Variants in HDAC4 observed in about 807,000 individuals in gnomAD.
HDAC4 encodes the protein histone deacetylase 4, also known as histone deacetylase A.
HDAC4 carries 16 observed loss-of-function variants against 135.1 expected under a neutral mutation model. The ratio of observed to expected loss-of-function variants is 0.12; its 90% CI spans 0.08 to 0.18. The LOEUF (loss-of-function observed/expected upper bound fraction) is 0.18. Among genes scored for constraint, HDAC4 ranks in the 10% least tolerant of loss-of-function variants. The pLI is 1.00. For synonymous variants in HDAC4, 685 were observed against 653.4 expected, an observed-to-expected ratio of 1.05 and a Z score of -0.74; for missense variants, 1,143 against 1,511.8, an observed-to-expected ratio of 0.76 and a Z score of 4.05.
intron 3 of HDAC4, among the ~76,000 whole-genome samples, chr2:239,198,948 C>A (rs1039751098): frequency 8.5e-5 from 13 of 152,132 alleles, no homozygotes; most frequent in African/African-American, 3.1e-4. Context: ...CATCAACACA[C>A]GCAAATAAAT....
At position 239,331,977 on chromosome 2, in the gene HDAC4, G is replaced by A. The variant is rs998376580; in HGVS notation, c.22+20701C>T. ...AGAATCCGCAGCTTGAGCGTAAGAA[G>A]GGATACAAGAGGGAAAGGTGGACAT... On this transcript the variant is annotated intron_variant, in intron 2 of 26. Transcript: ENST00000543185. This position sits in a 1 kb window ranked among gnomAD's most constrained non-coding sequence, Gnocchi z 4.5. Among the ~76,000 whole-genome samples, 4 of 152,146 alleles carry A rather than the reference G, an allele frequency of 2.6e-5. No individual in the cohort carries two copies. The highest frequency in any genetic ancestry group is 5.9e-5 in the Non-Finnish European group (4 of 68,036).
chr2:239,132,790 G>C (rs1313906192), intron 11 of HDAC4, among the ~76,000 whole-genome samples: 1 of 152,194 alleles, frequency 6.6e-6, no homozygotes, highest in Non-Finnish European at 1.5e-5. Flanking sequence ...GAAGATAAGT[G>C]ACAAACATCT....
chr2:239,112,718 C>A (rs2038787027), intron 13 of HDAC4, among the ~76,000 whole-genome samples: 1 of 152,230 alleles, frequency 6.6e-6, no homozygotes, highest in African/African-American at 2.4e-5. Context: ...GAGAGCACAG[C>A]AACCTGCCAC....
intron 2 of HDAC4, among the ~76,000 whole-genome samples, chr2:239,300,572 C>G (rs1405422253): frequency 1.3e-5 from 2 of 151,926 alleles, no homozygotes; most frequent in African/African-American, 4.8e-5. Flanking sequence ...CCTCTTTTTC[C>G]AAATGAGCAG....
At chr2:239,260,986 G>A (rs2049328393) in intron 2 of HDAC4, among the ~76,000 whole-genome samples, 1 of 152,140 alleles carries the variant, frequency 6.6e-6, no homozygotes. Context: ...CAGCCTGGGA[G>A]CGGCTGGAGC....
chr2:239,231,509 C>T lies in HDAC4; in HGVS notation c.94+5084G>A, dbSNP rs374584222. Among the ~76,000 whole-genome samples, 11 of 152,318 alleles carry T rather than the reference C, an allele frequency of 7.2e-5. No individual in the cohort carries two copies. In the South Asian group the frequency reaches 1.4e-3, roughly 20 times the overall value. On this transcript the variant is annotated intron_variant, in intron 3 of 26. Coordinates refer to ENST00000543185, the MANE Select transcript of HDAC4 (RefSeq NM_001378414.1). ...GGCACTCGGTCACGGTGGAGAGCAG[C>T]GCCATGAGGGCCGTAAGCCCTCAGC...
Position 239,352,845 on chromosome 2 carries a change from C to T in HDAC4, c.-146G>A. ...GGTCACAGACGTTCAAGCGCCGAGC[C>T]TCGCCGGCAAGGTCTCATGAGCCAG... On this transcript the variant is annotated 5_prime_UTR_variant, in exon 2 of 27. Coordinates refer to ENST00000543185, the MANE Select transcript of HDAC4 (RefSeq NM_001378414.1). This position sits in a 1 kb window ranked among gnomAD's most constrained non-coding sequence, Gnocchi z 4.4. The T allele has an allele frequency of 2.4e-6, 2 of 835,988 alleles. No individual in the cohort carries two copies. Among genetic ancestry groups the T allele is most frequent in the East Asian group, 2.7e-5 (1 of 37,108 alleles). 51.8% of individuals were successfully genotyped at this position (835,988 alleles called of 1,614,324 possible).
intron 2 of HDAC4, among the ~76,000 whole-genome samples, chr2:239,338,667 G>A (rs1692101010): frequency 6.6e-6 from 1 of 152,202 alleles, no homozygotes; most frequent in South Asian, 2.1e-4. Context: ...ATCCTCAGCA[G>A]CTGCTATGAG....
intron 15 of HDAC4, among the ~76,000 whole-genome samples, chr2:239,107,111 G>A (rs984333265): frequency 6.6e-6 from 1 of 152,166 alleles, no homozygotes; most frequent in African/African-American, 2.4e-5. Flanking sequence ...TCCTGCCCTC[G>A]CTATCAGCAG....
chr2:239,063,001 C>T (rs866108097), intron 24 of HDAC4, among the ~76,000 whole-genome samples: 17 of 152,260 alleles, frequency 1.1e-4, no homozygotes, highest in South Asian at 1.0e-3. Context: ...GTCCTGACCC[C>T]GCCAAGGCCC....
intron 14 of HDAC4, among the ~76,000 whole-genome samples, chr2:239,111,136 G>A (rs928278118): frequency 1.3e-5 from 2 of 152,374 alleles, no homozygotes; most frequent in Non-Finnish European, 2.9e-5. Flanking sequence ...GAGCCTCAGC[G>A]TCAACGCTGT....
At position 239,111,643 on chromosome 2, in the gene HDAC4, C is replaced by T. The variant is rs1352142364; in HGVS notation, c.1861G>A (p.Gly621Ser). The T allele has an allele frequency of 6.2e-6, 10 of 1,607,786 alleles. No individual in the cohort carries two copies. Among genetic ancestry groups the T allele is most frequent in the South Asian group, 1.1e-5 (1 of 89,998 alleles). The change falls in exon 14 of 27, where the codon GGC becomes AGC. Residue 621 changes from glycine (G) to serine (S), a missense_variant. By Grantham distance (56) the Gly-to-Ser change is moderately conservative. Around this residue, in one of 9 missense-constraint regions of HDAC4, gnomAD observed 196 missense variants for 210.7 expected, o/e 0.93. Transcript: ENST00000543185. The part of the protein sequence containing the change: ...RNYQASMEAA[G>S]IPVSFGGHRP... ...TGGCCGCCGAAGGACACGGGGATGC[C>T]GGCGGCCTCCATGGACGCCTGGTAG...
rs55868072 is a variant in HDAC4 at position 239,102,061 on chromosome 2, C to G, written c.2233+715G>C. Among the ~76,000 whole-genome samples the G allele has an allele frequency of 3.8e-3, 360 of 95,410 alleles. 1 individual carries two copies. Among genetic ancestry groups the G allele is most frequent in the East Asian group, 7.5e-3 (19 of 2,548 alleles). 62.6% of individuals were successfully genotyped at this position (95,410 alleles called of 152,430 possible). ...TCTGTGCCCTGGAAGCCCCCGGCCCCGGGTCCACGTTCTGTGCCCTGGAAG... is the reference window on the plus strand; with the variant it reads ...TCTGTGCCCTGGAAGCCCCCGGCCCGGGGTCCACGTTCTGTGCCCTGGAAG... On this transcript the variant is annotated intron_variant, in intron 16 of 26. Transcript: ENST00000543185.
intron 7 of HDAC4, among the ~76,000 whole-genome samples, chr2:239,153,127 C>T (rs2042215700): frequency 6.6e-6 from 1 of 152,208 alleles, no homozygotes; most frequent in Admixed American, 6.5e-5. Context: ...GGAGTCACTG[C>T]ATTGCTTTCA....
chr2:239,104,973 G>A (rs992588851), intron 15 of HDAC4, among the ~76,000 whole-genome samples: 6 of 152,218 alleles, frequency 3.9e-5, no homozygotes, highest in Non-Finnish European at 4.4e-5. Flanking sequence ...CTGCAGGTGC[G>A]CGACACCGCA....
chr2:239,184,228 G>A (rs552923778), intron 4 of HDAC4, among the ~76,000 whole-genome samples: 3 of 152,214 alleles, frequency 2.0e-5, no homozygotes, highest in South Asian at 2.1e-4. Context: ...GCAGGAGGGC[G>A]ATGTGCAACC....
At chr2:239,144,837 C>T in intron 7 of HDAC4, 123 bp from the exon 8 acceptor site, 1 of 965,100 alleles carries the variant, frequency 1.0e-6, no homozygotes, top group Non-Finnish European at 1.6e-6. Flanking sequence ...TGCTGTGTTG[C>T]TGCAGGGGAG....
At chr2:239,057,970 TG>T (rs767008384) in intron 24 of HDAC4, among the ~76,000 whole-genome samples, 8 of 152,186 alleles carry the variant, frequency 5.3e-5, no homozygotes, top group Non-Finnish European at 7.4e-5. Context: ...TAACCTGGGA[TG>T]GGGCACTGAG....
intron 1 of HDAC4, among the ~76,000 whole-genome samples, chr2:239,393,725 C>A (rs1257314162): frequency 6.6e-6 from 1 of 151,998 alleles, no homozygotes; most frequent in Non-Finnish European, 1.5e-5. Context: ...TGTGCACCTG[C>A]CTGTTTAGCT....
Sources: allele counts gnomAD v4.1 joint callset (sites outside exome capture counted in the v4.1 genomes callset), GRCh38; gene constraint gnomAD v4.1.1; regional missense constraint gnomAD v4.1.1; non-coding constraint Gnocchi (gnomAD v3.1); transcripts MANE v1.5; gene names NCBI Gene and HGNC (gene_info 2026-07-23, HGNC 2026-07-21).